The following HROB variants were observed in gnomAD, a reference collection of about 807,000 sequenced individuals.
The protein encoded by HROB is homologous recombination OB-fold protein.
A neutral mutation model predicts 61.0 loss-of-function variants in HROB; 44 were observed. That is an observed-to-expected ratio of 0.72 (90% confidence interval 0.57 to 0.93). The LOEUF is 0.93. HROB is among the 40% of genes least tolerant of loss of function. HROB has a pLI of 0.00. For missense variants in HROB, 716 were observed against 796.2 expected (o/e 0.90, Z 1.21); for synonymous variants, 301 against 310.4 (o/e 0.97, Z 0.32).
rs953774280 is a variant in HROB, at chr17:44,162,025, G to A, written c.*93G>A. 27 of 1,424,886 alleles carry A rather than the reference G, an allele frequency of 1.9e-5. No homozygotes were observed. Among genetic ancestry groups the A allele is most frequent in the Admixed American group, 5.4e-5 (3 of 55,954 alleles). 88.3% of individuals were successfully genotyped at this position (1,424,886 alleles called of 1,614,324 possible). On this transcript the variant is annotated 3_prime_UTR_variant, in exon 10 of 10. Transcript: ENST00000585683. ...GGGGGAGAAGAAGGCCAGCATGATT[G>A]GAGAGTGGACACAGCCGGGGGGCTT...
rs1360222290 is a variant in HROB, at chr17:44,155,343, C to T, written c.1702C>T (p.Leu568=). 1.9e-6 allele frequency: 3 copies of T among 1,614,050 alleles called. No individual in the cohort carries two copies. In the Admixed American group the frequency reaches 5.0e-5, roughly 27 times the overall value. Residue 568 remains leucine (L), a synonymous_variant, in exon 8 of 10, where the codon CTG becomes TTG. Transcript: ENST00000585683. ...NHYLNVTPNN[L]VHIYSPDSGD... is the part of the protein sequence containing the mutation. ...CTACCTCAACGTGACACCCAACAAC[C>T]TGGTCCATATTTACAGCCCGGATTC...
At position 44,148,572 on chromosome 17, in the gene HROB, T is replaced by G; in HGVS notation, c.769T>G (p.Leu257Val). The G allele has an allele frequency of 6.2e-7, 1 of 1,613,988 alleles. No homozygotes were observed. The highest frequency in any genetic ancestry group is 1.1e-5 in the South Asian group (1 of 91,074). ...AVGHLPVPTA[L>V]TVPTQQLHWE... The stretch of plus-strand genomic sequence containing the variant: ...GGGTCACCTTCCTGTTCCAACTGCC[T>G]TAACAGTTCCCACTCAGCAACTCCA... The change falls in exon 3 of 10, where the codon TTA (leucine) becomes GTA (valine). Residue 257 changes from leucine (L) to valine (V), a missense_variant. Transcript: ENST00000585683.
At position 44,161,893 on chromosome 17, in the gene HROB, T is replaced by C. The variant is rs763869548; in HGVS notation, c.1902T>C (p.Ser634=). The C allele has an allele frequency of 1.9e-6, 3 of 1,614,160 alleles. No homozygotes were observed. Among genetic ancestry groups the C allele is most frequent in the Non-Finnish European group, 1.7e-6 (2 of 1,180,016 alleles). Reference sequence around the variant, plus strand: ...TAGATGACCTGGATGGACTCCTGAGTGAGCTTCCTGAAGACTTCTTCTGTG... The same window carrying C: ...TAGATGACCTGGATGGACTCCTGAGCGAGCTTCCTGAAGACTTCTTCTGTG... ...PEADDLDGLL[S]ELPEDFFCGT... The change falls in exon 10 of 10, where the codon AGT becomes AGC. Residue 634 remains serine (S), a synonymous_variant. Coordinates refer to ENST00000585683, the MANE Select transcript of HROB (RefSeq NM_001171251.3).
In HROB at chr17:44,148,852, G is replaced by A. The variant is rs2053705813; in HGVS notation, c.1049G>A (p.Gly350Glu). 1 of 1,613,952 alleles carries A rather than the reference G, an allele frequency of 6.2e-7. No homozygotes were observed. The highest frequency in any genetic ancestry group is 1.3e-5 in the African/African-American group (1 of 74,872). ...LQPQAPVSSI[G>E]SPVGTPKGPQ... ...CCGCAAGCTCCAGTGTCTTCCATTGGGTCTCCTGTTGGTACCCCAAAAGGT... is the reference window on the plus strand; with the variant it reads ...CCGCAAGCTCCAGTGTCTTCCATTGAGTCTCCTGTTGGTACCCCAAAAGGT... Residue 350 changes from glycine to glutamate, a missense_variant, in exon 3 of 10, where the codon GGG becomes GAG. Coordinates refer to ENST00000585683, the MANE Select transcript of HROB (RefSeq NM_001171251.3).
intron 4 of HROB, among the ~76,000 whole-genome samples, chr17:44,151,886 G>A (rs905551150): frequency 6.6e-6 from 1 of 151,860 alleles, no homozygotes; most frequent in African/African-American, 2.4e-5. Flanking sequence ...TCGCTCTGTT[G>A]CCCAGGCTGG....
At position 44,148,495 on chromosome 17, in the gene HROB, A is replaced by C; in HGVS notation, c.692A>C (p.Asp231Ala). Reference protein sequence around the residue: ...GIMSAQDESLDPVIQCRTPRP... With the variant: ...GIMSAQDESLAPVIQCRTPRP... ...ATGTCCGCCCAGGATGAGTCTCTAG[A>C]TCCTGTCATCCAATGTAGGACTCCA... is the stretch of plus-strand genomic sequence containing the variant. Residue 231 changes from aspartate (D) to alanine (A), a missense_variant, in exon 3 of 10, where the codon GAT (aspartate) becomes GCT (alanine). Coordinates refer to ENST00000585683, the MANE Select transcript of HROB (RefSeq NM_001171251.3). 1 of 1,613,978 alleles carries C rather than the reference A, an allele frequency of 6.2e-7. No individual in the cohort carries two copies. Among genetic ancestry groups the C allele is most frequent in the Non-Finnish European group, 8.5e-7 (1 of 1,179,992 alleles).
intron 1 of HROB, among the ~76,000 whole-genome samples, chr17:44,143,477 A>G (rs1472877250): frequency 1.3e-5 from 2 of 152,006 alleles, no homozygotes; most frequent in Admixed American, 6.6e-5. Flanking sequence ...CCCTGTCTCA[A>G]CTAAAAATAC....
chr17:44,155,002 C>T, intron 7 of HROB, 64 bp downstream of exon 7: 1 of 1,552,094 alleles, frequency 6.4e-7, no homozygotes, highest in Non-Finnish European at 8.8e-7. Flanking sequence ...TGTCTCCTTA[C>T]CTGTTTGGCT....
intron 5 of HROB, among the ~76,000 whole-genome samples, chr17:44,153,428 C>A (rs541947640): frequency 1.3e-5 from 2 of 151,880 alleles, no homozygotes; most frequent in Non-Finnish European, 2.9e-5. Flanking sequence ...GCCCTCCAGC[C>A]GGGGCAATAG....
intron 2 of HROB, among the ~76,000 whole-genome samples, chr17:44,146,969 T>A (rs1483839814): frequency 6.6e-6 from 1 of 152,128 alleles, no homozygotes; most frequent in East Asian, 1.9e-4. Context: ...ATTTAACTTC[T>A]GCCTTTTTTG....
intron 9 of HROB, among the ~76,000 whole-genome samples, chr17:44,160,191 C>T (rs2054094957): frequency 6.6e-6 from 1 of 152,214 alleles, no homozygotes; most frequent in Non-Finnish European, 1.5e-5. Context: ...AATGTGCCTT[C>T]AGCTCCTGAC....
At chr17:44,156,554 A>T (rs867785525) in intron 8 of HROB, among the ~76,000 whole-genome samples, 28 of 151,998 alleles carry the variant, frequency 1.8e-4, no homozygotes, top group African/African-American at 6.8e-4. Context: ...AATTATCTAT[A>T]CTTATTGAAA....
chr17:44,155,910 T>C (rs2053956134), intron 8 of HROB, among the ~76,000 whole-genome samples: 1 of 152,156 alleles, frequency 6.6e-6, no homozygotes, highest in Admixed American at 6.5e-5. Context: ...GAGACGAGCA[T>C]TTGGCATTTA....
At chr17:44,145,098 A>C (rs2053573204) in intron 1 of HROB, 105 bp from the exon 2 acceptor site, 1 of 1,272,998 alleles carries the variant, frequency 7.9e-7, no homozygotes, top group Admixed American at 1.9e-5. Context: ...CAAACAAAAA[A>C]CAATATACCT....
chr17:44,156,128 G>T (rs1399834481), intron 8 of HROB, among the ~76,000 whole-genome samples: 1 of 152,056 alleles, frequency 6.6e-6, no homozygotes, highest in Non-Finnish European at 1.5e-5. Flanking sequence ...TTAGACAGAG[G>T]TTTTCATCTA....
intron 4 of HROB, 23 bp from the exon 5 acceptor site, chr17:44,152,614 C>T (rs1288608486): frequency 1.2e-6 from 2 of 1,612,166 alleles, no homozygotes; most frequent in Non-Finnish European, 1.7e-6. Context: ...CATACAGGCT[C>T]CCCCTCTGCT....
intron 5 of HROB, 28 bp downstream of exon 5, chr17:44,152,805 A>AG: frequency 6.2e-7 from 1 of 1,605,152 alleles, no homozygotes; most frequent in Non-Finnish European, 8.5e-7. Flanking sequence ...TGAGACCCAA[A>AG]GGAAAGACCA....
intron 1 of HROB, among the ~76,000 whole-genome samples, chr17:44,143,067 G>A (rs938402970): frequency 6.6e-6 from 1 of 152,154 alleles, no homozygotes; most frequent in African/African-American, 2.4e-5. Flanking sequence ...CTCCCAACAA[G>A]CTGGGATTAC....
At chr17:44,149,885 G>C (rs1484922301) in intron 3 of HROB, among the ~76,000 whole-genome samples, 3 of 152,358 alleles carry the variant, frequency 2.0e-5, no homozygotes, top group African/African-American at 7.2e-5. Flanking sequence ...TGGGTGCTGG[G>C]AAGACACTGG....
Sources: allele counts gnomAD v4.1 joint callset (sites outside exome capture counted in the v4.1 genomes callset), GRCh38; gene constraint gnomAD v4.1.1; transcripts MANE v1.5; gene names NCBI Gene and HGNC (gene_info 2026-07-23, HGNC 2026-07-21).